The following PDE10A variants were observed in gnomAD, a reference collection of about 807,000 sequenced individuals.
PDE10A encodes cAMP and cAMP-inhibited cGMP 3',5'-cyclic phosphodiesterase 10A.
PDE10A carries 39 observed loss-of-function variants against 97.7 expected under a neutral mutation model. The ratio of observed to expected loss-of-function variants is 0.40; its 90% confidence interval spans 0.31 to 0.52. The LOEUF (loss-of-function observed/expected upper bound fraction) is 0.52. Among genes scored for constraint, PDE10A ranks in the 20% least tolerant of loss-of-function variants. PDE10A has a pLI of 0.56. For missense variants in PDE10A, 731 were observed against 1,047.8 expected (o/e 0.70, Z 4.17); for synonymous variants, 371 against 376.8 (o/e 0.98, Z 0.18).
chr6:165,974,912 C>T lies in PDE10A; in HGVS notation c.-615+12617G>A, dbSNP rs550085798. ...ACTTTCTTCTAGGAACACACCTGCC[C>T]TATCTATAGAAATGGGAGTGTCTGC... is the stretch of plus-strand genomic sequence containing the variant. On this transcript the variant is annotated intron_variant, in intron 1 of 19. Coordinates refer to the PDE10A transcript ENST00000366882. Among the ~76,000 whole-genome samples the T allele has an allele frequency of 5.3e-4, 81 of 152,300 alleles. No individual in the cohort carries two copies. The Middle Eastern group carries it at 0.01, about 19-fold the overall frequency.
chr6:165,593,520 G>A (rs1786407313), intron 1 of PDE10A, among the ~76,000 whole-genome samples: 1 of 152,074 alleles, frequency 6.6e-6, no homozygotes, highest in East Asian at 1.9e-4. Context: ...ATGATCAAAA[G>A]CAGCACAAAT....
intron 6 of PDE10A, 51 bp from the exon 7 acceptor site, chr6:165,433,180 G>C (rs367899533): frequency 7.3e-7 from 1 of 1,361,712 alleles, no homozygotes; most frequent in African/African-American, 1.4e-5. Flanking sequence ...TGATCATTAA[G>C]TGATGATTCT....
chr6:165,643,312 T>C (rs1789236019), intron 1 of PDE10A, among the ~76,000 whole-genome samples: 1 of 152,082 alleles, frequency 6.6e-6, no homozygotes, highest in Non-Finnish European at 1.5e-5. Flanking sequence ...TACAGATGTA[T>C]GGACAGATGA....
At chr6:165,540,755 A>C (rs999546188) in intron 2 of PDE10A, among the ~76,000 whole-genome samples, 2 of 152,124 alleles carry the variant, frequency 1.3e-5, no homozygotes, top group African/African-American at 4.8e-5. Context: ...TCAGCCTCCC[A>C]AGTAGCTGGG....
At chr6:165,475,713 T>C (rs1779255703) in intron 3 of PDE10A, among the ~76,000 whole-genome samples, 2 of 152,212 alleles carry the variant, frequency 1.3e-5, no homozygotes, top group South Asian at 4.1e-4. Flanking sequence ...ACACATGGAA[T>C]AGAAATCCAG....
intron 18 of PDE10A, among the ~76,000 whole-genome samples, chr6:165,378,540 C>A (rs1015050857): frequency 2.6e-5 from 4 of 152,132 alleles, no homozygotes; most frequent in Admixed American, 6.5e-5. Flanking sequence ...AAAGAACATA[C>A]CTGACCTATT....
At chr6:165,333,225 C>T (rs1226721952) in intron 21 of PDE10A, 98 bp from the exon 22 acceptor site, 3 of 770,804 alleles carry the variant, frequency 3.9e-6, no homozygotes, top group Non-Finnish European at 6.9e-6. Flanking sequence ...CAGCTCTGCA[C>T]AACGGCATTG....
intron 1 of PDE10A, among the ~76,000 whole-genome samples, chr6:165,918,184 T>C (rs950515544): frequency 2.0e-5 from 3 of 152,194 alleles, no homozygotes; most frequent in African/African-American, 7.2e-5. Context: ...TATTTTTGTT[T>C]TGTTTTGTTT....
rs752672090 is a variant in PDE10A at position 165,379,165 on chromosome 6, G to C, written c.2783+29C>G. On this transcript the variant is annotated intron_variant, in intron 18 of 21. Coordinates refer to ENST00000539869, the MANE Select transcript of PDE10A (RefSeq NM_001385079.1). Reference sequence around the variant, plus strand: ...ATTTATTCCAGATAACACTTTCTGGGCTTCTAAGCTTTTAAAAATTATTTT... The same window carrying C: ...ATTTATTCCAGATAACACTTTCTGGCCTTCTAAGCTTTTAAAAATTATTTT... The C allele has an allele frequency of 1.0e-5, 15 of 1,464,262 alleles. No homozygotes were observed. The East Asian group carries it at 3.0e-4, about 30-fold the overall frequency. 90.7% of individuals were successfully genotyped at this position (1,464,262 alleles called of 1,614,324 possible).
chr6:165,567,682 G>A (rs923819840), intron 1 of PDE10A, among the ~76,000 whole-genome samples: 20 of 151,694 alleles, frequency 1.3e-4, no homozygotes, highest in African/African-American at 4.6e-4. Flanking sequence ...ATAATTTATC[G>A]AGTACTTATT....
At chr6:165,840,290 C>A (rs1780225670) in intron 1 of PDE10A, among the ~76,000 whole-genome samples, 1 of 152,146 alleles carries the variant, frequency 6.6e-6, no homozygotes, top group South Asian at 2.1e-4. Flanking sequence ...TCAGTCCAGG[C>A]AAACTGGAGC....
At chr6:165,515,523 C>CTTTTTT (rs376897417) in intron 2 of PDE10A, among the ~76,000 whole-genome samples, 7 of 124,532 alleles carry the variant, frequency 5.6e-5, no homozygotes, top group Non-Finnish European at 8.4e-5. Context: ...TGCTTTTGTT[C>CTTTTTT]TTTTTTTTTT....
intron 18 of PDE10A, among the ~76,000 whole-genome samples, chr6:165,352,832 A>G (rs1482761836): frequency 6.6e-6 from 1 of 152,228 alleles, no homozygotes; most frequent in African/African-American, 2.4e-5. Flanking sequence ...GATTCATGAA[A>G]GAATAAGCTA....
At chr6:165,836,240 C>A (rs1292733119) in intron 1 of PDE10A, among the ~76,000 whole-genome samples, 1 of 152,214 alleles carries the variant, frequency 6.6e-6, no homozygotes, top group Non-Finnish European at 1.5e-5. Context: ...GACCATGTCA[C>A]AACCCTACAC....
At chr6:165,720,976 A>G (rs889821776) in intron 1 of PDE10A, among the ~76,000 whole-genome samples, 1 of 152,228 alleles carries the variant, frequency 6.6e-6, no homozygotes, top group Admixed American at 6.5e-5. Context: ...TTTAAATAAG[A>G]AAGAATGTTG....
At chr6:165,854,719 C>A (rs559045901) in intron 1 of PDE10A, among the ~76,000 whole-genome samples, 2 of 152,322 alleles carry the variant, frequency 1.3e-5, no homozygotes, top group South Asian at 4.1e-4. Context: ...CCCCAGAGGC[C>A]TGGCCTGAGC....
At chr6:165,566,943 A>G (rs140422354) in intron 1 of PDE10A, among the ~76,000 whole-genome samples, 1 of 152,330 alleles carries the variant, frequency 6.6e-6, no homozygotes, top group East Asian at 1.9e-4. Context: ...TGACCCAGAA[A>G]TTACACCCTT....
At chr6:165,790,987 G>C (rs944077813) in intron 1 of PDE10A, among the ~76,000 whole-genome samples, 2 of 152,008 alleles carry the variant, frequency 1.3e-5, no homozygotes, top group Non-Finnish European at 2.9e-5. Context: ...TATGCCCACT[G>C]ATCAGTAACT....
At chr6:165,432,776 T>C (rs1295981517) in intron 7 of PDE10A, among the ~76,000 whole-genome samples, 198 bp downstream of exon 7, 1 of 152,206 alleles carries the variant, frequency 6.6e-6, no homozygotes, top group Non-Finnish European at 1.5e-5. Context: ...CCATATCTCT[T>C]ATGTAACCTG....
Sources: gnomAD v4.1 joint callset for allele counts (sites outside exome capture counted in the v4.1 genomes callset) on GRCh38, gnomAD v4.1.1 for gene constraint, MANE v1.5 for transcripts, NCBI Gene and HGNC (gene_info 2026-07-23, HGNC 2026-07-21) for gene names.